Variants in OTUD7A observed in about 807,000 individuals in gnomAD.
OTUD7A encodes the protein OTU deubiquitinase 7A, also known as OTU domain-containing protein 7A.
A neutral mutation model predicts 65.7 loss-of-function variants in OTUD7A; 12 were observed. That is an observed-to-expected ratio of 0.18 (90% CI 0.12 to 0.30). The LOEUF is 0.30. Among genes scored for constraint, OTUD7A ranks in the 10% least tolerant of loss-of-function variants. The probability of loss-of-function intolerance (pLI) is 1.00; values close to 1 mark genes in which losing one functional copy is unlikely to be tolerated. For synonymous variants in OTUD7A, 641 were observed against 586.3 expected (o/e 1.09, Z -1.35); for missense variants, 1,148 against 1,304.8 (o/e 0.88, Z 1.85).
intron 3 of OTUD7A, among the ~76,000 whole-genome samples, chr15:31,624,939 C>A (rs566624061): frequency 1.3e-5 from 2 of 152,308 alleles, no homozygotes; most frequent in East Asian, 3.9e-4. Flanking sequence ...TGGCCCCCTC[C>A]ACTTTGTACT....
rs575868809 is a variant in OTUD7A at position 31,597,960 on chromosome 15, T to C, written c.152-27763A>G. ...TAAAAGCAGTGGGAACTTTCGAGTTTTCAGACAGGAAGAGCAGCGTGTTTC... is the reference window on the plus strand; with the variant it reads ...TAAAAGCAGTGGGAACTTTCGAGTTCTCAGACAGGAAGAGCAGCGTGTTTC... On this transcript the variant is annotated intron_variant, in intron 3 of 12. Coordinates refer to ENST00000307050, the MANE Select transcript of OTUD7A (RefSeq NM_001382637.1). 3.3e-5 allele frequency among the ~76,000 whole-genome samples: 5 copies of C among 152,152 alleles called. No homozygotes were observed. In the South Asian group the frequency reaches 1.0e-3, roughly 32 times the overall value.
chr15:31,808,754 T>C (rs1039311956), intron 1 of OTUD7A, among the ~76,000 whole-genome samples: 1 of 152,204 alleles, frequency 6.6e-6, no homozygotes, highest in African/African-American at 2.4e-5. Context: ...TGAAACAAGA[T>C]GCATATTCCC....
chr15:31,865,288 A>G (rs1369411889), intron 1 of OTUD7A, among the ~76,000 whole-genome samples: 1 of 152,234 alleles, frequency 6.6e-6, no homozygotes, highest in African/African-American at 2.4e-5. Context: ...ACAATAACAC[A>G]CGTTGTCTTG....
intron 1 of OTUD7A, among the ~76,000 whole-genome samples, chr15:31,679,024 C>G (rs959701885): frequency 6.6e-6 from 1 of 152,208 alleles, no homozygotes; most frequent in Non-Finnish European, 1.5e-5. Context: ...CTCACCTGTT[C>G]CATCAGCATG....
At position 31,544,591 on chromosome 15, in the gene OTUD7A, A is replaced by T. The variant is rs192024613; in HGVS notation, c.551-13783T>A. Among the ~76,000 whole-genome samples the T allele has an allele frequency of 5.4e-4, 82 of 151,972 alleles. 1 individual carries two copies. Among genetic ancestry groups the T allele is most frequent in the African/African-American group, 1.9e-3 (79 of 41,556 alleles). On this transcript the variant is annotated intron_variant, in intron 5 of 12. Coordinates refer to ENST00000307050, the MANE Select transcript of OTUD7A (RefSeq NM_001382637.1). ...AACAAAACTTTAGTTTTGTTATTAC[A>T]CCAGGATGGTGTAATAATTCTAAGT...
intron 1 of OTUD7A, among the ~76,000 whole-genome samples, chr15:31,734,651 T>C (rs941999769): frequency 6.6e-6 from 1 of 151,940 alleles, no homozygotes; most frequent in Non-Finnish European, 1.5e-5. Context: ...ACAAGGAACG[T>C]GTAAAAGACT....
Position 31,765,425 on chromosome 15 carries a change from T to TA in OTUD7A, c.-100+105081dup, listed in dbSNP as rs1555415010. On this transcript the variant is annotated intron_variant, in intron 1 of 12. Coordinates refer to ENST00000307050, the MANE Select transcript of OTUD7A (RefSeq NM_001382637.1). The stretch of plus-strand genomic sequence containing the variant: ...TGCACATGTGCAGATAAATTTTTTT[T>TA]AAAAAACAGAATTACAGTTTAATCC... 4.2e-4 allele frequency among the ~76,000 whole-genome samples: 64 copies of TA among 152,124 alleles called. No homozygotes were observed. The South Asian group carries it at 4.6e-3, about 11-fold the overall frequency.
At chr15:31,764,942 T>C (rs1895060050) in intron 1 of OTUD7A, among the ~76,000 whole-genome samples, 1 of 152,200 alleles carries the variant, frequency 6.6e-6, no homozygotes, top group Non-Finnish European at 1.5e-5. Flanking sequence ...CTGATAGGTG[T>C]ATCTCCCTTG....
intron 1 of OTUD7A, among the ~76,000 whole-genome samples, chr15:31,864,431 G>A (rs539957406): frequency 2.0e-4 from 31 of 152,322 alleles, no homozygotes; most frequent in African/African-American, 7.0e-4. Context: ...GGAGACCTCA[G>A]AATTACGGCA....
intron 2 of OTUD7A, chr15:31,655,483 G>T: frequency 5.5e-6 from 2 of 360,400 alleles, no homozygotes; most frequent in Non-Finnish European, 9.8e-6. Flanking sequence ...GAGAGAAGGG[G>T]TATTATGAGC....
At chr15:31,688,327 G>T (rs2067825) in intron 1 of OTUD7A, among the ~76,000 whole-genome samples, 1 of 151,994 alleles carries the variant, frequency 6.6e-6, no homozygotes, top group Non-Finnish European at 1.5e-5. Flanking sequence ...GCTGGAAAGA[G>T]AAATGGAGGA....
At chr15:31,835,685 CACAT>C (rs1366471640) in intron 1 of OTUD7A, among the ~76,000 whole-genome samples, 1 of 152,126 alleles carries the variant, frequency 6.6e-6, no homozygotes, top group Non-Finnish European at 1.5e-5. Context: ...CATACAAACA[CACAT>C]ACACATATAT....
chr15:31,634,466 T>G (rs1476317169), intron 3 of OTUD7A, among the ~76,000 whole-genome samples: 2 of 152,192 alleles, frequency 1.3e-5, no homozygotes, highest in Non-Finnish European at 2.9e-5. Context: ...TACATGTCCC[T>G]GCCAGCAAGC....
In OTUD7A at chr15:31,759,730, G is replaced by A. The variant is rs147800955; in HGVS notation, c.-99-102653C>T. 5.1e-3 allele frequency among the ~76,000 whole-genome samples: 780 copies of A among 152,192 alleles called. 6 individuals carry two copies. Among genetic ancestry groups the A allele is most frequent in the African/African-American group, 0.017 (686 of 41,514 alleles). ...GTATAGTAGTGCAGGGTTTTGCCAT[G>A]TTGGCCAGGCTGGTCTCAAACTCCT... On this transcript the variant is annotated intron_variant, in intron 1 of 12. Transcript: ENST00000307050.
At chr15:31,669,466 T>C (rs1013294516) in intron 1 of OTUD7A, among the ~76,000 whole-genome samples, 2 of 152,196 alleles carry the variant, frequency 1.3e-5, no homozygotes, top group African/African-American at 4.8e-5. Context: ...CCAGCTGCCA[T>C]GCAGTCCGAA....
chr15:31,840,621 C>G (rs910967051), intron 1 of OTUD7A, among the ~76,000 whole-genome samples: 1 of 151,830 alleles, frequency 6.6e-6, no homozygotes, highest in African/African-American at 2.4e-5. Flanking sequence ...TCTTTTTTTC[C>G]CCCTTTAATA....
intron 3 of OTUD7A, among the ~76,000 whole-genome samples, chr15:31,598,666 T>C (rs1889981449): frequency 2.0e-5 from 3 of 152,044 alleles, no homozygotes; most frequent in Admixed American, 2.0e-4. Flanking sequence ...AACAGTTCAC[T>C]CTCCTGGAGA....
chr15:31,551,669 C>T (rs943778132), intron 5 of OTUD7A, among the ~76,000 whole-genome samples: 4 of 152,178 alleles, frequency 2.6e-5, no homozygotes, highest in Admixed American at 6.5e-5. Context: ...GAAAACAAAA[C>T]GTGACAATTC....
At chr15:31,621,320 C>T in intron 3 of OTUD7A, among the ~76,000 whole-genome samples, 1 of 152,128 alleles carries the variant, frequency 6.6e-6, no homozygotes, top group South Asian at 2.1e-4. Context: ...CCTGGATATC[C>T]TAGTTAACTT....
Sources: gnomAD v4.1 joint callset for allele counts (sites outside exome capture counted in the v4.1 genomes callset) on GRCh38, gnomAD v4.1.1 for gene constraint, MANE v1.5 for transcripts, NCBI Gene and HGNC (gene_info 2026-07-23, HGNC 2026-07-21) for gene names.